Variants in ZBTB20 observed in about 807,000 individuals in gnomAD.
ZBTB20 encodes zinc finger and BTB domain-containing protein 20.
ZBTB20 carries 9 observed loss-of-function variants against 56.9 expected under a neutral mutation model. That is an observed-to-expected ratio of 0.16 (90% CI 0.10 to 0.28). The LOEUF is 0.28. Ranked by LOEUF, ZBTB20 falls within the 10% of genes least tolerant of loss-of-function variation. The pLI is 1.00. For missense variants in ZBTB20, 655 were observed against 1,003.0 expected (o/e 0.65, Z 4.69); for synonymous variants, 417 against 420.7 (o/e 0.99, Z 0.11).
intron 2 of ZBTB20, among the ~76,000 whole-genome samples, chr3:115,041,050 G>A (rs1450771754): frequency 6.6e-6 from 1 of 152,098 alleles, no homozygotes; most frequent in African/African-American, 2.4e-5. Flanking sequence ...TTTTAAAAGA[G>A]GTAAAGCCCA....
At chr3:114,360,405 G>A (rs946332746) in intron 10 of ZBTB20, among the ~76,000 whole-genome samples, 1 of 149,206 alleles carries the variant, frequency 6.7e-6, no homozygotes, top group Admixed American at 6.7e-5. Flanking sequence ...GTGCAGTGGC[G>A]CGATCTCCAG....
chr3:114,357,560 T>C (rs2081379266), intron 10 of ZBTB20, among the ~76,000 whole-genome samples: 3 of 152,224 alleles, frequency 2.0e-5, no homozygotes, highest in Non-Finnish European at 2.9e-5. Context: ...CTTGGTTTTA[T>C]GTTTGGGTTT....
chr3:115,063,998 A>G (rs2082112283), intron 2 of ZBTB20, among the ~76,000 whole-genome samples: 1 of 152,106 alleles, frequency 6.6e-6, no homozygotes, highest in Non-Finnish European at 1.5e-5. Context: ...TATTGTTAAT[A>G]TTGTCACTTT....
At chr3:114,383,305 G>A (rs2084626751) in intron 8 of ZBTB20, among the ~76,000 whole-genome samples, 1 of 152,336 alleles carries the variant, frequency 6.6e-6, no homozygotes, top group Admixed American at 6.5e-5. Context: ...ACTTTCAGAT[G>A]TGTGCTTCAG....
chr3:114,958,656 T>G (rs942785858), intron 3 of ZBTB20, among the ~76,000 whole-genome samples: 3 of 152,210 alleles, frequency 2.0e-5, no homozygotes, highest in Non-Finnish European at 2.9e-5. Context: ...GAGACCAGCC[T>G]GGCCAACATG....
intron 6 of ZBTB20, among the ~76,000 whole-genome samples, chr3:114,534,288 G>A (rs1316352178): frequency 4.6e-5 from 7 of 151,934 alleles, no homozygotes; most frequent in Admixed American, 1.3e-4. Context: ...AGGAATGGAG[G>A]AATATTTACC....
chr3:114,770,606 A>T (rs1289732435), intron 5 of ZBTB20, among the ~76,000 whole-genome samples: 1 of 152,228 alleles, frequency 6.6e-6, no homozygotes, highest in Non-Finnish European at 1.5e-5. Context: ...TTGGTTGTCA[A>T]CTGAGTAGAA....
At chr3:114,550,189 T>C (rs1338067847) in intron 6 of ZBTB20, among the ~76,000 whole-genome samples, 2 of 152,172 alleles carry the variant, frequency 1.3e-5, no homozygotes, top group East Asian at 1.9e-4. Flanking sequence ...CCGCCTGCCT[T>C]GGCCTCCCAA....
At chr3:115,063,676 CACACACAA>C (rs1213410885) in intron 2 of ZBTB20, among the ~76,000 whole-genome samples, 2 of 133,102 alleles carry the variant, frequency 1.5e-5, no homozygotes, top group South Asian at 2.4e-4. Context: ...CACACACACA[CACACACAA>C]ACACACACAC....
chr3:115,068,915 C>G (rs940428056), intron 2 of ZBTB20, among the ~76,000 whole-genome samples: 1 of 151,810 alleles, frequency 6.6e-6, no homozygotes, highest in Non-Finnish European at 1.5e-5. Context: ...ATAGTGCATT[C>G]ATTCTTATGC....
chr3:114,726,521 A>C (rs1578552610), intron 5 of ZBTB20, among the ~76,000 whole-genome samples: 1 of 152,286 alleles, frequency 6.6e-6, no homozygotes, highest in East Asian at 1.9e-4. Flanking sequence ...AAAGTTTCTT[A>C]TTCAGTAGGG....
intron 6 of ZBTB20, among the ~76,000 whole-genome samples, chr3:114,668,998 A>T (rs779773041): frequency 6.6e-6 from 1 of 152,104 alleles, no homozygotes; most frequent in Non-Finnish European, 1.5e-5. Context: ...AACAACAACA[A>T]CAAAACTGTA....
intron 7 of ZBTB20, among the ~76,000 whole-genome samples, chr3:114,391,765 C>T (rs1025911465): frequency 2.6e-5 from 4 of 152,192 alleles, no homozygotes; most frequent in Admixed American, 2.6e-4. Context: ...TCTGCTTCAA[C>T]CCCCTCATTT....
chr3:114,940,572 A>T lies in ZBTB20; in HGVS notation c.-456+33794T>A, dbSNP rs572039129. On this transcript the variant is annotated intron_variant, in intron 3 of 11. Coordinates refer to ENST00000675478, the MANE Select transcript of ZBTB20 (RefSeq NM_001348800.3). Reference sequence around the variant, plus strand: ...TGATATAATGCATACCTATCTTCTTAATCTTCTTATTCAGCTTATGCATAT... The same window carrying T: ...TGATATAATGCATACCTATCTTCTTTATCTTCTTATTCAGCTTATGCATAT... Among the ~76,000 whole-genome samples, 21 of 146,414 alleles carry T rather than the reference A, an allele frequency of 1.4e-4. 6 individuals carry two copies. Among genetic ancestry groups the T allele is most frequent in the African/African-American group, 5.8e-4 (21 of 36,102 alleles).
intron 5 of ZBTB20, among the ~76,000 whole-genome samples, chr3:114,709,408 TA>T (rs2063915013): frequency 6.6e-6 from 1 of 152,070 alleles, no homozygotes; most frequent in South Asian, 2.1e-4. Flanking sequence ...TTCCAAGTTA[TA>T]AAACAGAGAA....
chr3:114,411,290 G>C (rs765705039), intron 7 of ZBTB20, among the ~76,000 whole-genome samples: 3 of 152,154 alleles, frequency 2.0e-5, no homozygotes, highest in Non-Finnish European at 4.4e-5. Context: ...ATTCCACAGA[G>C]AGAAACCATC....
intron 5 of ZBTB20, among the ~76,000 whole-genome samples, chr3:114,779,476 C>T (rs1037672017): frequency 7.9e-5 from 12 of 152,058 alleles, no homozygotes; most frequent in East Asian, 1.9e-4. Context: ...CTCACGGCAC[C>T]GAAGAATGGG....
At chr3:114,679,476 T>C (rs771647682) in intron 6 of ZBTB20, among the ~76,000 whole-genome samples, 5 of 151,936 alleles carry the variant, frequency 3.3e-5, no homozygotes, top group Non-Finnish European at 5.9e-5. Context: ...TGGGCAAAGA[T>C]ATGAACAGAC....
At chr3:114,914,159 C>T (rs552668457) in intron 3 of ZBTB20, among the ~76,000 whole-genome samples, 1 of 152,036 alleles carries the variant, frequency 6.6e-6, no homozygotes, top group African/African-American at 2.4e-5. Flanking sequence ...CTGTAGACTG[C>T]CTTGGGTAGT....
Sources: gnomAD v4.1 joint callset for allele counts (sites outside exome capture counted in the v4.1 genomes callset) on GRCh38, gnomAD v4.1.1 for gene constraint, MANE v1.5 for transcripts, NCBI Gene and HGNC (gene_info 2026-07-23, HGNC 2026-07-21) for gene names.